VAV2: variants seen among roughly 807,000 people sequenced by gnomAD.
VAV2 encodes vav guanine nucleotide exchange factor 2.
Under a neutral mutation model 132.5 loss-of-function variants are expected in VAV2, and 67 were observed. That is an observed-to-expected ratio of 0.51 (90% CI 0.42 to 0.62). VAV2 has a LOEUF of 0.62. Ranked by LOEUF, VAV2 falls within the 20% of genes least tolerant of loss-of-function variation. The pLI, the probability that VAV2 is intolerant of heterozygous loss-of-function variation, is 0.00. For missense variants in VAV2, 938 were observed against 1,153.6 expected (o/e 0.81, Z 2.71); for synonymous variants, 492 against 443.5 (o/e 1.11, Z -1.37).
chr9:133,767,692 G>A (rs370567178), intron 29 of VAV2, among the ~76,000 whole-genome samples: 15 of 152,284 alleles, frequency 9.9e-5, no homozygotes, highest in Admixed American at 4.6e-4. Flanking sequence ...GAGCTGCTCC[G>A]GCCACTGGAC....
In VAV2 at chr9:133,788,637, CT is replaced by C. The variant is rs2131612598; in HGVS notation, c.1275-152del. ...CTGGCTCACCAGGCTAATGCTGAGC[CT>C]CGGTCAGGTCTCGGCTGTTCCCACA... On this transcript the variant is annotated intron_variant, in intron 14 of 29. Coordinates refer to ENST00000371850, the MANE Select transcript of VAV2 (RefSeq NM_001134398.2). This position sits in a 1 kb window ranked among gnomAD's most constrained non-coding sequence, Gnocchi z 5.3. 8.7e-7 allele frequency: 1 copy of C among 1,155,788 alleles called. No individual in the cohort carries two copies. The highest frequency in any genetic ancestry group is 1.6e-5 in the South Asian group (1 of 61,640). The allele number at this position is 1,155,788 out of a possible 1,614,324, so 71.6% of individuals were successfully genotyped here.
chr9:133,816,147 G>T (rs1042875741), intron 4 of VAV2, among the ~76,000 whole-genome samples: 10 of 152,192 alleles, frequency 6.6e-5, no homozygotes, highest in Non-Finnish European at 1.3e-4. Flanking sequence ...TGAAGAGTCT[G>T]TTCAAGACTT....
chr9:133,927,364 AC>A (rs1357642526), intron 2 of VAV2, among the ~76,000 whole-genome samples: 13 of 152,152 alleles, frequency 8.5e-5, no homozygotes, highest in African/African-American at 2.9e-4. Context: ...TTAGGCTCCT[AC>A]CTCCACTGAT....
chr9:133,819,227 G>C (rs1007262812), intron 4 of VAV2, among the ~76,000 whole-genome samples: 1 of 151,918 alleles, frequency 6.6e-6, no homozygotes, highest in Non-Finnish European at 1.5e-5. Flanking sequence ...GGCGGATCAC[G>C]AGGTCAGGAG....
intron 1 of VAV2, among the ~76,000 whole-genome samples, chr9:133,951,016 G>A (rs147790172): frequency 1.4e-4 from 22 of 152,282 alleles, no homozygotes; most frequent in African/African-American, 2.6e-4. Flanking sequence ...AGCAGACACC[G>A]GATGATCGCT....
intron 2 of VAV2, among the ~76,000 whole-genome samples, chr9:133,866,755 G>A (rs1588287796): frequency 6.7e-6 from 1 of 149,484 alleles, no homozygotes; most frequent in Admixed American, 6.7e-5. Flanking sequence ...CCAGTGGGCC[G>A]AGATTGCACC....
At chr9:133,910,881 G>C (rs971166350) in intron 2 of VAV2, among the ~76,000 whole-genome samples, 2 of 151,356 alleles carry the variant, frequency 1.3e-5, no homozygotes, top group Non-Finnish European at 2.9e-5. Flanking sequence ...AGTCAGAGTT[G>C]TCTGCACTGG....
intron 1 of VAV2, among the ~76,000 whole-genome samples, chr9:133,945,897 C>T (rs1341328455): frequency 1.3e-5 from 2 of 152,254 alleles, no homozygotes; most frequent in Admixed American, 6.5e-5. Context: ...CAGGCCTGCT[C>T]CCACTCAACA....
chr9:133,829,574 C>G (rs1588236897), intron 4 of VAV2, among the ~76,000 whole-genome samples: 1 of 152,250 alleles, frequency 6.6e-6, no homozygotes, highest in Non-Finnish European at 1.5e-5. Flanking sequence ...CAAGGATGAT[C>G]TGTGACACTG....
intron 3 of VAV2, among the ~76,000 whole-genome samples, chr9:133,848,893 G>A (rs1837058071): frequency 6.6e-6 from 1 of 152,202 alleles, no homozygotes; most frequent in African/African-American, 2.4e-5. Context: ...AGTCCCCCAA[G>A]ACACCACCAT....
At chr9:133,835,126 G>A (rs1469268461) in intron 3 of VAV2, among the ~76,000 whole-genome samples, 1 of 152,156 alleles carries the variant, frequency 6.6e-6, no homozygotes, top group African/African-American at 2.4e-5. Flanking sequence ...TTGTGGAACT[G>A]TCATGCATAT....
At chr9:133,988,433 T>G (rs982168449) in intron 1 of VAV2, among the ~76,000 whole-genome samples, 1 of 152,010 alleles carries the variant, frequency 6.6e-6, no homozygotes, top group Admixed American at 6.5e-5. Flanking sequence ...TGGGCAGGAG[T>G]GGTGGGGTGA....
chr9:133,889,130 T>G (rs1426696879), intron 2 of VAV2, among the ~76,000 whole-genome samples: 1 of 152,054 alleles, frequency 6.6e-6, no homozygotes, highest in African/African-American at 2.4e-5. Flanking sequence ...TCTTCCGCCC[T>G]CGGGGTGGGA....
At chr9:133,812,338 C>T (rs948200062) in intron 4 of VAV2, 122 bp from the exon 5 acceptor site, 63 of 873,814 alleles carry the variant, frequency 7.2e-5, no homozygotes, top group East Asian at 5.7e-4. Context: ...GTCACCTGCC[C>T]GGGCCTCAGT....
At chr9:133,955,409 A>ATG (rs1841722939) in intron 1 of VAV2, among the ~76,000 whole-genome samples, 1 of 19,556 alleles carries the variant, frequency 5.1e-5, no homozygotes, top group African/African-American at 2.1e-4. Flanking sequence ...CACTCCCCAC[A>ATG]CTCCTCCCCA....
chr9:133,851,590 G>T, intron 3 of VAV2, among the ~76,000 whole-genome samples: 1 of 152,210 alleles, frequency 6.6e-6, no homozygotes, highest in East Asian at 1.9e-4. Flanking sequence ...CAGCCTTAAT[G>T]ATTCTAGAGT....
chr9:133,802,519 C>A lies in VAV2; in HGVS notation c.836+3562G>T, dbSNP rs1478044102. ...CAAAGGTCTCAGTGTGGTCACCTTG[C>A]AAGGCACGGCCCGCCGTGTCCAGCA... On this transcript the variant is annotated intron_variant, in intron 9 of 29. Transcript: ENST00000371850. The surrounding 1 kb of genome is among the most constrained non-coding windows in gnomAD (Gnocchi z 5.8). Among the ~76,000 whole-genome samples the A allele has an allele frequency of 6.6e-6, 1 of 152,038 alleles. No individual in the cohort carries two copies. The highest frequency in any genetic ancestry group is 6.5e-5 in the Admixed American group (1 of 15,268).
Position 133,775,003 on chromosome 9 carries a change from G to C in VAV2, c.2067C>G (p.Ser689=). 2 of 1,613,524 alleles carry C rather than the reference G, an allele frequency of 1.2e-6. No homozygotes were observed. Among genetic ancestry groups the C allele is most frequent in the Non-Finnish European group, 1.7e-6 (2 of 1,179,890 alleles). The change falls in exon 25 of 30, where the codon TCC becomes TCG. Residue 689 remains serine (S), a synonymous_variant. Transcript: ENST00000371850. The part of the protein sequence containing the change: ...ERQQTDNLLK[S]HASGTYLIRE... ...TGATCAGGTAGGTCCCGCTGGCGTG[G>C]GACTTGAGCAGGTTGTCCGTCTGCT... is the stretch of plus-strand genomic sequence containing the variant.
intron 2 of VAV2, among the ~76,000 whole-genome samples, chr9:133,886,802 G>A (rs944657646): frequency 6.6e-6 from 1 of 152,264 alleles, no homozygotes; most frequent in Non-Finnish European, 1.5e-5. Context: ...GGTGAATTCT[G>A]CAAGCACAAA....
Sources: allele counts gnomAD v4.1 joint callset (sites outside exome capture counted in the v4.1 genomes callset), GRCh38; gene constraint gnomAD v4.1.1; non-coding constraint Gnocchi (gnomAD v3.1); transcripts MANE v1.5; gene names NCBI Gene and HGNC (gene_info 2026-07-23, HGNC 2026-07-21).